Variants in CD109 observed in about 807,000 individuals in gnomAD.
CD109 encodes the protein CD109 antigen.
CD109 carries 149 observed loss-of-function variants against 165.8 expected under a neutral mutation model. The observed-to-expected ratio is 0.90, with a 90% confidence interval of 0.79 to 1.03. CD109 has a LOEUF of 1.03. CD109 is among the 50% of genes least tolerant of loss of function. The probability of loss-of-function intolerance (pLI) is 0.00; values close to 1 mark genes in which losing one functional copy is unlikely to be tolerated. For synonymous variants in CD109, 585 were observed against 592.1 expected (o/e 0.99, Z 0.18); for missense variants, 1,712 against 1,677.8 (o/e 1.02, Z -0.36).
intron 2 of CD109, among the ~76,000 whole-genome samples, chr6:73,710,586 A>C (rs1771491566): frequency 6.6e-6 from 1 of 151,970 alleles, no homozygotes; most frequent in Non-Finnish European, 1.5e-5. Flanking sequence ...TACATAGAAG[A>C]CACCGAGGGA....
chr6:73,737,781 G>A (rs1772603334), intron 5 of CD109, among the ~76,000 whole-genome samples: 1 of 152,214 alleles, frequency 6.6e-6, no homozygotes, highest in South Asian at 2.1e-4. Flanking sequence ...AAATGGAAGA[G>A]AACGTTATGT....
chr6:73,770,033 G>C (rs1773979742), intron 14 of CD109, among the ~76,000 whole-genome samples: 1 of 152,204 alleles, frequency 6.6e-6, no homozygotes, highest in Non-Finnish European at 1.5e-5. Context: ...GAAAGTGCTG[G>C]AGGACATTGT....
chr6:73,684,178 G>C, the CD109 span, among the ~76,000 whole-genome samples: 1 of 151,086 alleles, frequency 6.6e-6, no homozygotes, highest in Non-Finnish European at 1.5e-5. Context: ...TTAATTTTTT[G>C]AGGAGCCTCT....
intron 3 of CD109, among the ~76,000 whole-genome samples, chr6:73,725,507 T>TC: frequency 3.3e-5 from 2 of 61,402 alleles, no homozygotes; most frequent in Non-Finnish European, 1.1e-4. Context: ...TACACTTCTT[T>TC]TTTTTTTTTT....
the CD109 span, among the ~76,000 whole-genome samples, chr6:73,686,257 T>C: frequency 6.6e-6 from 1 of 152,226 alleles, no homozygotes; most frequent in African/African-American, 2.4e-5. Context: ...TTGATGTGTC[T>C]CTGAGGGGAT....
chr6:73,759,180 A>G (rs1170654474), intron 7 of CD109, 152 bp downstream of exon 7: 1 of 607,686 alleles, frequency 1.6e-6, no homozygotes, highest in Non-Finnish European at 2.9e-6. Flanking sequence ...ATAATTAAGC[A>G]TGGGACAGAG....
At chr6:73,698,697 A>G (rs1406926161) in intron 2 of CD109, among the ~76,000 whole-genome samples, 4 of 152,138 alleles carry the variant, frequency 2.6e-5, no homozygotes, top group Non-Finnish European at 5.9e-5. Context: ...TTGGAATAGG[A>G]GTCAGGAAGA....
intron 5 of CD109, among the ~76,000 whole-genome samples, 185 bp from the exon 6 acceptor site, chr6:73,756,458 G>C (rs534964255): frequency 6.6e-6 from 1 of 152,094 alleles, no homozygotes; most frequent in African/African-American, 2.4e-5. Flanking sequence ...AATTTTACAG[G>C]CTTCATGTTG....
chr6:73,707,145 A>G (rs1771304000), intron 2 of CD109, among the ~76,000 whole-genome samples: 1 of 152,174 alleles, frequency 6.6e-6, no homozygotes, highest in South Asian at 2.1e-4. Flanking sequence ...ACAGTTTCAA[A>G]GTCAAGCGTG....
the CD109 span, among the ~76,000 whole-genome samples, chr6:73,686,556 T>C: frequency 6.6e-6 from 1 of 152,218 alleles, no homozygotes; most frequent in Non-Finnish European, 1.5e-5. Context: ...CCCTTTGTGA[T>C]ATTAGCAGCC....
At chr6:73,810,682 T>C (rs1283798192) in intron 27 of CD109, among the ~76,000 whole-genome samples, 2 of 152,024 alleles carry the variant, frequency 1.3e-5, no homozygotes, top group African/African-American at 4.8e-5. Context: ...AAAAAATCAT[T>C]GTACAGAAAT....
chr6:73,803,345 G>A lies in CD109; in HGVS notation c.2960+44G>A, dbSNP rs367860399. ...TGAACAAATCCGTGTCATGGAATGG[G>A]CTTTCACTAGGTCACAATAGCCACG... is the stretch of plus-strand genomic sequence containing the variant. On this transcript the variant is annotated intron_variant, in intron 24 of 32. Transcript: ENST00000287097. 26 of 1,438,454 alleles carry A rather than the reference G, an allele frequency of 1.8e-5. No individual in the cohort carries two copies. In the Middle Eastern group the frequency reaches 7.0e-4, roughly 39 times the overall value. 89.1% of individuals were successfully genotyped at this position (1,438,454 alleles called of 1,614,324 possible). A position where few individuals can be genotyped will look rare whatever the true frequency, so the allele number is the denominator to read the frequency against.
chr6:73,730,200 C>G, intron 3 of CD109, 144 bp from the exon 4 acceptor site: 1 of 611,694 alleles, frequency 1.6e-6, no homozygotes, highest in Non-Finnish European at 2.9e-6. Flanking sequence ...CAAATTAACT[C>G]TGATGCCTGG....
intron 30 of CD109, among the ~76,000 whole-genome samples, chr6:73,817,029 G>T (rs1775961047): frequency 6.6e-6 from 1 of 152,172 alleles, no homozygotes; most frequent in African/African-American, 2.4e-5. Context: ...TTATAAAAAG[G>T]ATTTAAATGC....
chr6:73,815,643 T>C (rs994211938), intron 30 of CD109, among the ~76,000 whole-genome samples: 2 of 152,118 alleles, frequency 1.3e-5, no homozygotes, highest in Non-Finnish European at 2.9e-5. Context: ...CAGCTGAAGC[T>C]TCTGGGAGTA....
At chr6:73,770,272 A>C (rs1000098263) in intron 14 of CD109, among the ~76,000 whole-genome samples, 2 of 152,248 alleles carry the variant, frequency 1.3e-5, no homozygotes, top group African/African-American at 4.8e-5. Flanking sequence ...GAAAGAATTT[A>C]TAATTGCATG....
chr6:73,757,142 T>TGAATA (rs1336299892), intron 6 of CD109, among the ~76,000 whole-genome samples: 2 of 152,184 alleles, frequency 1.3e-5, no homozygotes, highest in African/African-American at 2.4e-5. Context: ...ATTTTGTTGG[T>TGAATA]GAATGGAGAG....
chr6:73,727,654 C>G (rs1025491930), intron 3 of CD109, among the ~76,000 whole-genome samples: 1 of 152,142 alleles, frequency 6.6e-6, no homozygotes, highest in Non-Finnish European at 1.5e-5. Context: ...TTCTTTAGCT[C>G]TAGGCCTCTG....
At chr6:73,703,232 T>C (rs1771146060) in intron 2 of CD109, among the ~76,000 whole-genome samples, 1 of 152,264 alleles carries the variant, frequency 6.6e-6, no homozygotes, top group African/African-American at 2.4e-5. Context: ...ATTTCCTTGA[T>C]TTTGGGATAT....
Sources: allele counts gnomAD v4.1 joint callset (sites outside exome capture counted in the v4.1 genomes callset), GRCh38; gene constraint gnomAD v4.1.1; transcripts MANE v1.5; gene names NCBI Gene and HGNC (gene_info 2026-07-23, HGNC 2026-07-21).